The following CAMTA1 variants were observed in gnomAD, a reference collection of about 807,000 sequenced individuals.
CAMTA1 encodes the protein calmodulin binding transcription activator 1.
Under a neutral mutation model 170.9 loss-of-function variants are expected in CAMTA1, and 27 were observed. The ratio of observed to expected loss-of-function variants is 0.16; its 90% CI spans 0.12 to 0.22. The LOEUF (loss-of-function observed/expected upper bound fraction) is 0.22. Among genes scored for constraint, CAMTA1 ranks in the 10% least tolerant of loss-of-function variants. The pLI is 1.00. For missense variants in CAMTA1, 1,619 were observed against 2,217.2 expected (o/e 0.73, Z 5.42); for synonymous variants, 833 against 891.5 (o/e 0.93, Z 1.17).
chr1:7,434,785 A>C (rs2092293499), intron 5 of CAMTA1, among the ~76,000 whole-genome samples: 1 of 151,858 alleles, frequency 6.6e-6, no homozygotes, highest in Admixed American at 6.6e-5. Context: ...TCACGCCTGT[A>C]ATCTCAGCAC....
intron 9 of CAMTA1, among the ~76,000 whole-genome samples, chr1:7,666,759 G>C (rs2096005073): frequency 6.6e-6 from 1 of 152,190 alleles, no homozygotes; most frequent in Non-Finnish European, 1.5e-5. Flanking sequence ...AAGAAAATCT[G>C]TGTACAGACA....
At chr1:7,708,017 T>C (rs2096540032) in intron 11 of CAMTA1, among the ~76,000 whole-genome samples, 1 of 152,142 alleles carries the variant, frequency 6.6e-6, no homozygotes, top group African/African-American at 2.4e-5. Flanking sequence ...AACCATGATA[T>C]GATACCTTGT....
chr1:7,168,307 A>G (rs1648914433), intron 4 of CAMTA1, among the ~76,000 whole-genome samples: 1 of 152,140 alleles, frequency 6.6e-6, no homozygotes, highest in Non-Finnish European at 1.5e-5. Context: ...TTCATTCTCA[A>G]CCCTTAGAGA....
chr1:6,834,678 T>C (rs10864243), intron 3 of CAMTA1: 29,342 of 155,372 alleles, frequency 0.19, 2,867 homozygotes, highest in East Asian at 0.29. Context: ...TGCTCTGTTG[T>C]CCTGGCTGGA....
At chr1:7,583,152 G>C (rs972488515) in intron 6 of CAMTA1, among the ~76,000 whole-genome samples, 7 of 152,154 alleles carry the variant, frequency 4.6e-5, no homozygotes, top group African/African-American at 1.7e-4. Flanking sequence ...TTAGCAGGGG[G>C]CCTAAAGGGG....
chr1:7,741,921 G>A (rs965911362), intron 16 of CAMTA1, among the ~76,000 whole-genome samples: 3 of 148,178 alleles, frequency 2.0e-5, no homozygotes, highest in Non-Finnish European at 3.0e-5. Context: ...ACAGGTGTGA[G>A]CCACCATGCC....
chr1:7,411,666 G>GTGGT (rs2090768691), intron 5 of CAMTA1, among the ~76,000 whole-genome samples: 1 of 151,972 alleles, frequency 6.6e-6, no homozygotes, highest in Admixed American at 6.6e-5. Context: ...CTCAGAGAGA[G>GTGGT]ACTCTTGGCC....
intron 3 of CAMTA1, among the ~76,000 whole-genome samples, chr1:6,941,256 G>C (rs1686557209): frequency 6.6e-6 from 1 of 152,142 alleles, no homozygotes; most frequent in Non-Finnish European, 1.5e-5. Context: ...GCGGGGCACT[G>C]GGCACAGCCG....
chr1:7,082,502 T>C (rs1016720106), intron 3 of CAMTA1, among the ~76,000 whole-genome samples: 1 of 144,804 alleles, frequency 6.9e-6, no homozygotes, highest in East Asian at 2.0e-4. Flanking sequence ...GCACAGCTCT[T>C]TGTGTGGCTC....
chr1:7,266,336 C>G (rs973009525), intron 5 of CAMTA1, among the ~76,000 whole-genome samples: 2 of 152,206 alleles, frequency 1.3e-5, no homozygotes, highest in African/African-American at 4.8e-5. Context: ...GCTGGGAGCG[C>G]CACTGTGGGT....
rs576330224 is a variant in CAMTA1, at chr1:7,010,735, C to T, written c.235-80569C>T. Among the ~76,000 whole-genome samples the T allele has an allele frequency of 6.6e-6, 1 of 152,204 alleles. No individual in the cohort carries two copies. Among genetic ancestry groups the T allele is most frequent in the Non-Finnish European group, 1.5e-5 (1 of 68,024 alleles). The stretch of plus-strand genomic sequence containing the variant: ...CCACCCTCACTGCCACCCCCAGCCC[C>T]AGCCTTCCTTTGTGCCCGTTTCTGA... On this transcript the variant is annotated intron_variant, in intron 3 of 22. Transcript: ENST00000303635. This position sits in a 1 kb window ranked among gnomAD's most constrained non-coding sequence, Gnocchi z 4.4.
chr1:6,997,185 G>C (rs1322470373), intron 3 of CAMTA1, among the ~76,000 whole-genome samples: 1 of 152,160 alleles, frequency 6.6e-6, no homozygotes, highest in Admixed American at 6.5e-5. Flanking sequence ...AAAAGGATGT[G>C]CATTCTCTGT....
At chr1:7,142,431 A>C (rs919071696) in intron 4 of CAMTA1, among the ~76,000 whole-genome samples, 11 of 152,318 alleles carry the variant, frequency 7.2e-5, no homozygotes, top group African/African-American at 2.6e-4. Context: ...GATGATGGGC[A>C]GGTGATGTCC....
intron 3 of CAMTA1, among the ~76,000 whole-genome samples, chr1:6,949,850 G>A (rs75821729): frequency 0.094 from 14,284 of 152,326 alleles, 961 homozygotes; most frequent in East Asian, 0.23. Context: ...GGCACGCCAG[G>A]CCCTTCTGCG....
At chr1:7,381,802 C>A (rs986739307) in intron 5 of CAMTA1, among the ~76,000 whole-genome samples, 1 of 148,796 alleles carries the variant, frequency 6.7e-6, no homozygotes, top group Non-Finnish European at 1.5e-5. Flanking sequence ...TTCTCCACAT[C>A]CTCTCCAGCA....
intron 5 of CAMTA1, among the ~76,000 whole-genome samples, chr1:7,324,870 T>C (rs1051684703): frequency 6.6e-6 from 1 of 151,982 alleles, no homozygotes; most frequent in Admixed American, 6.6e-5. Flanking sequence ...AATGGTTACC[T>C]TAGAAATTCC....
At chr1:6,980,659 A>G (rs1331854890) in intron 3 of CAMTA1, among the ~76,000 whole-genome samples, 2 of 152,056 alleles carry the variant, frequency 1.3e-5, no homozygotes, top group Non-Finnish European at 2.9e-5. Context: ...TGCTCTTCTC[A>G]TGATAGTGAC....
intron 5 of CAMTA1, among the ~76,000 whole-genome samples, chr1:7,352,623 G>T (rs1009000992): frequency 6.6e-6 from 1 of 152,202 alleles, no homozygotes; most frequent in Admixed American, 6.5e-5. Flanking sequence ...AAAGTAAATG[G>T]TCATGAGCCA....
chr1:7,051,513 C>T (rs914878580), intron 3 of CAMTA1, among the ~76,000 whole-genome samples: 5 of 152,334 alleles, frequency 3.3e-5, no homozygotes, highest in Admixed American at 6.5e-5. Context: ...CGCTACCCAG[C>T]GCTGTGAGTG....
Sources: gnomAD v4.1 joint callset for allele counts (sites outside exome capture counted in the v4.1 genomes callset) on GRCh38, gnomAD v4.1.1 for gene constraint, Gnocchi (gnomAD v3.1) non-coding constraint, MANE v1.5 for transcripts, NCBI Gene and HGNC (gene_info 2026-07-23, HGNC 2026-07-21) for gene names.